Variants in HDGFL3 observed in about 807,000 individuals in gnomAD.
HDGFL3 encodes the protein HDGF like 3, also known as hepatoma-derived growth factor-related protein 3.
Under a neutral mutation model 27.6 loss-of-function variants are expected in HDGFL3, and 6 were observed. That is an observed-to-expected ratio of 0.22 (90% CI 0.12 to 0.43). The LOEUF (loss-of-function observed/expected upper bound fraction) is 0.43, where lower values mean the gene tolerates loss of function less well. Among genes scored for constraint, HDGFL3 ranks in the 20% least tolerant of loss-of-function variants. The pLI is 1.00. For synonymous variants in HDGFL3, 88 were observed against 88.9 expected (o/e 0.99, Z 0.05); for missense variants, 207 against 250.1 (o/e 0.83, Z 1.16).
At chr15:83,141,931 T>G (rs2036779514) in intron 5 of HDGFL3, among the ~76,000 whole-genome samples, 1 of 152,224 alleles carries the variant, frequency 6.6e-6, no homozygotes, top group Non-Finnish European at 1.5e-5. Context: ...AAGCTCAGTA[T>G]CGCTGATCAT....
At chr15:83,177,462 T>C (rs1465038930) in intron 1 of HDGFL3, among the ~76,000 whole-genome samples, 1 of 152,230 alleles carries the variant, frequency 6.6e-6, no homozygotes, top group Admixed American at 6.5e-5. Flanking sequence ...TTCCATTTAA[T>C]GATTAAGAAA....
chr15:83,116,642 G>A (rs2034684797), intron 3 of HDGFL3, among the ~76,000 whole-genome samples: 1 of 152,224 alleles, frequency 6.6e-6, no homozygotes, highest in Admixed American at 6.5e-5. Flanking sequence ...GGAAGGATGG[G>A]CTTGCAGGGA....
intron 3 of HDGFL3, chr15:83,121,998 T>C (rs547753904): frequency 1.2e-5 from 20 of 1,610,036 alleles, no homozygotes; most frequent in Admixed American, 5.0e-5. Flanking sequence ...CCAGGAAACA[T>C]TGTAGGTAAG....
intron 2 of HDGFL3, 67 bp from the exon 3 acceptor site, chr15:83,158,108 G>A: frequency 7.4e-7 from 1 of 1,359,340 alleles, no homozygotes; most frequent in Admixed American, 2.2e-5. Context: ...TTAAATATCA[G>A]TATCAGTGAA....
intron 1 of HDGFL3, among the ~76,000 whole-genome samples, chr15:83,192,630 A>G (rs2037525389): frequency 6.6e-6 from 1 of 152,226 alleles, no homozygotes; most frequent in African/African-American, 2.4e-5. Flanking sequence ...TTTTTCAGAA[A>G]TAATCTCCTT....
At position 83,122,643 on chromosome 15, in the gene HDGFL3, TATTGTCTGGCCC is replaced by T. The variant is rs2035374641; in HGVS notation, c.394-6914_394-6903del. ...CTTTTTAATTTGGCCTCATTAAAAA[TATTGTCTGGCCC>T]ATAGCAAAATTTTAGATGACCTGAG... On this transcript the variant is annotated intron_variant, in intron 3 of 3. Transcript: ENST00000568294. 3 of 1,153,056 alleles carry T rather than the reference TATTGTCTGGCCC, an allele frequency of 2.6e-6. No homozygotes were observed. In the Admixed American group the frequency reaches 7.1e-5, roughly 27 times the overall value. 71.4% of individuals were successfully genotyped at this position (1,153,056 alleles called of 1,614,324 possible).
chr15:83,183,547 G>A lies in HDGFL3; in HGVS notation c.85-19472C>T, dbSNP rs148308198. ...AGGCCAAGGCAGGCAGATCACTAGA[G>A]GTCAGGAAGTCGAGAACAGCCTGGC... On this transcript the variant is annotated intron_variant, in intron 1 of 5. Coordinates refer to ENST00000299633, the MANE Select transcript of HDGFL3 (RefSeq NM_016073.4). 2.8e-3 allele frequency among the ~76,000 whole-genome samples: 419 copies of A among 152,190 alleles called. 1 individual carries two copies. The highest frequency in any genetic ancestry group is 9.1e-3 in the African/African-American group (378 of 41,520).
chr15:83,169,308 G>GAA, intron 1 of HDGFL3: 1 of 354,130 alleles, frequency 2.8e-6, no homozygotes, highest in Non-Finnish European at 5.5e-6. Context: ...AGGCAAATAA[G>GAA]AAAAGAAGTC....
At chr15:83,160,011 G>A (rs1339922037) in intron 2 of HDGFL3, among the ~76,000 whole-genome samples, 1 of 152,214 alleles carries the variant, frequency 6.6e-6, no homozygotes, top group Non-Finnish European at 1.5e-5. Flanking sequence ...AGTAGAAGCA[G>A]GGAGACTAAT....
At chr15:83,182,176 T>A (rs2037389420) in intron 1 of HDGFL3, among the ~76,000 whole-genome samples, 2 of 152,230 alleles carry the variant, frequency 1.3e-5, no homozygotes, top group Admixed American at 1.3e-4. Context: ...CTAGTAGGCA[T>A]GAAGTAGTAT....
intron 1 of HDGFL3, among the ~76,000 whole-genome samples, chr15:83,173,988 A>G (rs989652803): frequency 6.6e-6 from 1 of 152,230 alleles, no homozygotes; most frequent in Admixed American, 6.5e-5. Flanking sequence ...TCTGTCACAG[A>G]GCAAAGATGC....
chr15:83,142,511 C>G lies in HDGFL3; in HGVS notation c.607-3236G>C, dbSNP rs544162655. Among the ~76,000 whole-genome samples, 27 of 152,186 alleles carry G rather than the reference C, an allele frequency of 1.8e-4. No homozygotes were observed. In the South Asian group the frequency reaches 5.4e-3, roughly 30 times the overall value. ...GACACAAAGAGGGGAACAATGGACA[C>G]TAGGGCCTACTGGAGGGTAAAGGAG... is the stretch of plus-strand genomic sequence containing the variant. On this transcript the variant is annotated intron_variant, in intron 5 of 5. Transcript: ENST00000299633.
intron 2 of HDGFL3, 140 bp from the exon 3 acceptor site, chr15:83,158,181 A>G: frequency 1.5e-6 from 1 of 667,024 alleles, no homozygotes; most frequent in Non-Finnish European, 2.3e-6. Flanking sequence ...AGTTAGGCAC[A>G]TATTACGAGG....
intron 1 of HDGFL3, among the ~76,000 whole-genome samples, chr15:83,166,146 T>C (rs926600953): frequency 9.2e-5 from 14 of 152,062 alleles, no homozygotes; most frequent in African/African-American, 2.4e-5. Context: ...CCAAGGCATA[T>C]AGTCACTAGA....
rs762934100 is a variant in HDGFL3, at chr15:83,139,290, AAAAG to A, written c.607-19_607-16del. The A allele has an allele frequency of 4.9e-6, 7 of 1,422,420 alleles. No homozygotes were observed. The highest frequency in any genetic ancestry group is 1.8e-4 in the Middle Eastern group (1 of 5,494). The allele number at this position is 1,422,420 out of a possible 1,614,324, so 88.1% of individuals were successfully genotyped here. ...GGTAGTTAGGTCTGTAAAAAAAAAA[AAAAG>A]AAAGAAAACAAGCCTTTAGATGATT... On this transcript the variant is annotated splice_polypyrimidine_tract_variant and intron_variant, in intron 5 of 5. Transcript: ENST00000299633.
chr15:83,205,111 T>C (rs536158772), intron 1 of HDGFL3, among the ~76,000 whole-genome samples: 1 of 152,324 alleles, frequency 6.6e-6, no homozygotes, highest in South Asian at 2.1e-4. Context: ...GAAACTTCAA[T>C]AAGCAAGACT....
rs1000682718 is a variant in HDGFL3, at chr15:83,138,195, A to T, written c.*1075T>A. The T allele has an allele frequency of 1.3e-5, 2 of 152,610 alleles. No individual in the cohort carries two copies. The highest frequency in any genetic ancestry group is 4.8e-5 in the African/African-American group (2 of 41,460). The allele number at this position is 152,610 out of a possible 1,614,324, so 9.5% of individuals were successfully genotyped here. A position where few individuals can be genotyped will look rare whatever the true frequency, so the allele number is the denominator to read the frequency against. On this transcript the variant is annotated 3_prime_UTR_variant, in exon 6 of 6. Transcript: ENST00000299633. ...TCCCAGTACACATTCCAATAAATTTATTCTGTAAAAACAATACATTTTTTT... is the reference window on the plus strand; with the variant it reads ...TCCCAGTACACATTCCAATAAATTTTTTCTGTAAAAACAATACATTTTTTT...
chr15:83,142,588 AG>A (rs776782435), intron 5 of HDGFL3, among the ~76,000 whole-genome samples: 11 of 152,222 alleles, frequency 7.2e-5, no homozygotes, highest in Non-Finnish European at 1.2e-4. Flanking sequence ...CTTAGAACCC[AG>A]GGTAACAACA....
At chr15:83,151,413 T>C (rs112218915) in intron 4 of HDGFL3, 52 bp from the exon 5 acceptor site, 10 of 1,494,402 alleles carry the variant, frequency 6.7e-6, no homozygotes, top group Middle Eastern at 1.9e-4. Flanking sequence ...AATCCAAATG[T>C]ACAAGTAAGA....
Sources: gnomAD v4.1 joint callset for allele counts (sites outside exome capture counted in the v4.1 genomes callset) on GRCh38, gnomAD v4.1.1 for gene constraint, MANE v1.5 for transcripts, NCBI Gene and HGNC (gene_info 2026-07-23, HGNC 2026-07-21) for gene names.